VEPH1: variants seen among roughly 807,000 people sequenced by gnomAD.
VEPH1 encodes ventricular zone-expressed PH domain-containing protein homolog 1.
Under a neutral mutation model 85.2 loss-of-function variants are expected in VEPH1, and 80 were observed. That is an observed-to-expected ratio of 0.94 (90% CI 0.78 to 1.13). The LOEUF is 1.13. Among genes scored for constraint, VEPH1 ranks in the 50% most tolerant of loss-of-function variants. The pLI is 0.00. For missense variants in VEPH1, 955 were observed against 980.5 expected, an observed-to-expected ratio of 0.97 and a Z score of 0.35; for synonymous variants, 297 against 348.0, an observed-to-expected ratio of 0.85 and a Z score of 1.63.
At chr3:157,375,898 G>A (rs1187318684) in intron 7 of VEPH1, among the ~76,000 whole-genome samples, 1 of 152,120 alleles carries the variant, frequency 6.6e-6, no homozygotes, top group African/African-American at 2.4e-5. Flanking sequence ...ATGTAACTAA[G>A]CCAGAGGATT....
chr3:157,329,344 C>T (rs1722258165), intron 9 of VEPH1, among the ~76,000 whole-genome samples: 1 of 151,702 alleles, frequency 6.6e-6, no homozygotes, highest in South Asian at 2.1e-4. Context: ...GAACTGAAGG[C>T]AACAGGAATC....
intron 5 of VEPH1, among the ~76,000 whole-genome samples, chr3:157,426,273 G>A (rs1384181099): frequency 6.6e-6 from 1 of 152,146 alleles, no homozygotes; most frequent in African/African-American, 2.4e-5. Flanking sequence ...GAAGCTCTAG[G>A]GGTAGAGCAT....
At chr3:157,293,424 T>A (rs142587335) in intron 11 of VEPH1, among the ~76,000 whole-genome samples, 2 of 152,330 alleles carry the variant, frequency 1.3e-5, no homozygotes, top group African/African-American at 4.8e-5. Flanking sequence ...TATACTTCTA[T>A]CCTTTGAGTC....
chr3:157,474,134 T>A (rs529302831), intron 2 of VEPH1, among the ~76,000 whole-genome samples: 1 of 152,322 alleles, frequency 6.6e-6, no homozygotes, highest in African/African-American at 2.4e-5. Context: ...AAGCTCTCTA[T>A]AATCTTACTT....
At chr3:157,269,448 G>C (rs1376959890) in intron 12 of VEPH1, among the ~76,000 whole-genome samples, 1 of 152,180 alleles carries the variant, frequency 6.6e-6, no homozygotes, top group Non-Finnish European at 1.5e-5. Context: ...GGAAACATTA[G>C]CAGAACTTTA....
intron 12 of VEPH1, among the ~76,000 whole-genome samples, chr3:157,276,428 G>A (rs1715393692): frequency 6.6e-6 from 1 of 152,094 alleles, no homozygotes. Flanking sequence ...TTTGGGATAG[G>A]GTGAGAAGCC....
At chr3:157,282,632 G>A (rs1193439323) in intron 12 of VEPH1, among the ~76,000 whole-genome samples, 4 of 152,130 alleles carry the variant, frequency 2.6e-5, no homozygotes, top group Admixed American at 2.0e-4. Context: ...CATGTGTCTC[G>A]AGAAATGAGT....
chr3:157,449,922 T>C (rs1028737936), intron 4 of VEPH1, among the ~76,000 whole-genome samples: 3 of 151,580 alleles, frequency 2.0e-5, no homozygotes, highest in African/African-American at 7.2e-5. Context: ...ATATTTTTAA[T>C]ATTATATTTT....
chr3:157,486,662 T>A (rs1169407912), intron 2 of VEPH1, among the ~76,000 whole-genome samples: 1 of 152,156 alleles, frequency 6.6e-6, no homozygotes, highest in Non-Finnish European at 1.5e-5. Flanking sequence ...AGTATACTTA[T>A]CTCAAAAATT....
At chr3:157,302,069 T>C (rs535578733) in intron 11 of VEPH1, among the ~76,000 whole-genome samples, 1 of 151,000 alleles carries the variant, frequency 6.6e-6, no homozygotes, top group African/African-American at 2.5e-5. Flanking sequence ...GATACCACCA[T>C]GCCAGAAACT....
At chr3:157,387,029 T>G (rs1005289132) in intron 6 of VEPH1, among the ~76,000 whole-genome samples, 2 of 152,194 alleles carry the variant, frequency 1.3e-5, no homozygotes, top group Non-Finnish European at 2.9e-5. Context: ...ACAGTAAATA[T>G]TTCCAGTTTA....
chr3:157,479,364 G>C (rs1306009834), intron 2 of VEPH1, among the ~76,000 whole-genome samples: 1 of 152,114 alleles, frequency 6.6e-6, no homozygotes, highest in Non-Finnish European at 1.5e-5. Flanking sequence ...GTAGGACAAC[G>C]AAAAAGCCAC....
At chr3:157,400,634 C>T (rs372455581) in intron 6 of VEPH1, among the ~76,000 whole-genome samples, 13 of 151,994 alleles carry the variant, frequency 8.6e-5, no homozygotes, top group African/African-American at 2.9e-4. Flanking sequence ...AATTATTTTT[C>T]CCTAAATGGC....
At chr3:157,342,901 A>C (rs1344911307) in intron 9 of VEPH1, among the ~76,000 whole-genome samples, 4 of 152,242 alleles carry the variant, frequency 2.6e-5, no homozygotes, top group Non-Finnish European at 4.4e-5. Flanking sequence ...CTTCATGGAA[A>C]CTGAACAACC....
intron 6 of VEPH1, among the ~76,000 whole-genome samples, chr3:157,394,513 G>A (rs972685735): frequency 1.2e-4 from 18 of 152,152 alleles, no homozygotes; most frequent in South Asian, 2.1e-4. Context: ...AAGAATACTC[G>A]AGACTGGGTA....
chr3:157,281,107 A>T (rs146017661), intron 12 of VEPH1, among the ~76,000 whole-genome samples: 3 of 123,578 alleles, frequency 2.4e-5, no homozygotes, highest in East Asian at 2.0e-4. Flanking sequence ...TGTGTGAGAG[A>T]GAGAGAGAGA....
chr3:157,453,640 A>G (rs1369309472), intron 4 of VEPH1, among the ~76,000 whole-genome samples: 3 of 152,234 alleles, frequency 2.0e-5, no homozygotes, highest in Admixed American at 2.0e-4. Context: ...AAGAGGAGAA[A>G]AACTATAAGT....
rs1739758119 is a variant in VEPH1 at position 157,497,490 on chromosome 3, C to G, written c.-157-1984G>C. On this transcript the variant is annotated intron_variant, in intron 1 of 13. Transcript: ENST00000362010. ...GCACAGTGTTTTCCTACATTTTTCT[C>G]TTAACACATTTTCCTCCCAGGCTCA... Among the ~76,000 whole-genome samples the G allele has an allele frequency of 4.6e-5, 7 of 152,288 alleles. No homozygotes were observed. In the South Asian group the frequency reaches 1.5e-3, roughly 32 times the overall value.
intron 7 of VEPH1, among the ~76,000 whole-genome samples, chr3:157,373,021 A>G (rs966589061): frequency 6.6e-6 from 1 of 152,228 alleles, no homozygotes. Context: ...TAACATTTAC[A>G]GAGGGCTTTC....
Sources: allele counts gnomAD v4.1 joint callset (sites outside exome capture counted in the v4.1 genomes callset), GRCh38; gene constraint gnomAD v4.1.1; transcripts MANE v1.5; gene names NCBI Gene and HGNC (gene_info 2026-07-23, HGNC 2026-07-21).